SLIT3: variants seen among roughly 807,000 people sequenced by gnomAD.
SLIT3 encodes the protein slit homolog 3 protein.
A neutral mutation model predicts 184.0 loss-of-function variants in SLIT3; 68 were observed. That is an observed-to-expected ratio of 0.37 (90% confidence interval 0.30 to 0.45). SLIT3 has a LOEUF of 0.45. Among genes scored for constraint, SLIT3 ranks in the 20% least tolerant of loss-of-function variants. The pLI is 1.00. For missense variants in SLIT3, 1,707 were observed against 2,026.0 expected (o/e 0.84, Z 3.02); for synonymous variants, 831 against 828.6 (o/e 1.00, Z -0.05).
At chr5:168,800,587 C>G (rs1443453341) in intron 9 of SLIT3, among the ~76,000 whole-genome samples, 1 of 146,432 alleles carries the variant, frequency 6.8e-6, no homozygotes, top group African/African-American at 2.5e-5. Flanking sequence ...AATTCTGTCT[C>G]AAAAAAAAGA....
chr5:168,880,924 G>C (rs1341679096), intron 5 of SLIT3, among the ~76,000 whole-genome samples: 1 of 152,170 alleles, frequency 6.6e-6, no homozygotes, highest in Non-Finnish European at 1.5e-5. Context: ...GTATGTACAT[G>C]ATTCTTGTCC....
rs536813927 is a variant in SLIT3, at chr5:169,166,191, T to C, written c.413+27288A>G. ...CCTCTTCTGGGGTCACTGCCTTTGT[T>C]TTTTAGCCGTCTTTGCCATGGAGAC... On this transcript the variant is annotated intron_variant, in intron 4 of 35. Coordinates refer to ENST00000519560, the MANE Select transcript of SLIT3 (RefSeq NM_003062.4). Among the ~76,000 whole-genome samples, 30 of 152,320 alleles carry C rather than the reference T, an allele frequency of 2.0e-4. No individual in the cohort carries two copies. The East Asian group carries it at 5.2e-3, about 26-fold the overall frequency.
intron 4 of SLIT3, among the ~76,000 whole-genome samples, chr5:169,005,183 C>A (rs1755870628): frequency 6.6e-6 from 1 of 152,110 alleles, no homozygotes; most frequent in African/African-American, 2.4e-5. Flanking sequence ...GTAAGCATAA[C>A]TTTTATATGA....
intron 10 of SLIT3, among the ~76,000 whole-genome samples, chr5:168,793,120 T>G (rs973512503): frequency 6.6e-6 from 1 of 152,216 alleles, no homozygotes; most frequent in Admixed American, 6.5e-5. Context: ...GCATTTTGGA[T>G]AAGGAATACT....
chr5:169,250,410 C>T (rs1029907059), intron 2 of SLIT3, among the ~76,000 whole-genome samples: 4 of 152,180 alleles, frequency 2.6e-5, no homozygotes, highest in Admixed American at 1.3e-4. Flanking sequence ...CTTCTAACAA[C>T]GTATTCCCTA....
chr5:169,007,596 ATG>A (rs1320833290), intron 4 of SLIT3, among the ~76,000 whole-genome samples: 1 of 152,236 alleles, frequency 6.6e-6, no homozygotes, highest in Non-Finnish European at 1.5e-5. Flanking sequence ...TATAGTCTGC[ATG>A]TGTTTGCCTA....
intron 3 of SLIT3, among the ~76,000 whole-genome samples, chr5:169,233,522 G>A (rs1765084693): frequency 6.6e-6 from 1 of 151,942 alleles, no homozygotes. Flanking sequence ...TAGGTGATGG[G>A]TTGATACATG....
intron 12 of SLIT3, among the ~76,000 whole-genome samples, chr5:168,778,317 C>T (rs11750046): frequency 0.13 from 19,502 of 152,232 alleles, 1,459 homozygotes; most frequent in Middle Eastern, 0.2. Flanking sequence ...CAGCAATAAG[C>T]GAAGCTCCAG....
At chr5:168,787,126 T>C (rs1282711301) in intron 11 of SLIT3, among the ~76,000 whole-genome samples, 1 of 152,220 alleles carries the variant, frequency 6.6e-6, no homozygotes, top group African/African-American at 2.4e-5. Context: ...GTTTCATTAA[T>C]GTTTCAACAA....
At chr5:169,074,211 G>A (rs1025144292) in intron 4 of SLIT3, among the ~76,000 whole-genome samples, 1 of 152,046 alleles carries the variant, frequency 6.6e-6, no homozygotes, top group African/African-American at 2.4e-5. Flanking sequence ...ACCCTCACAG[G>A]GCAAGTCTCC....
At chr5:169,180,540 C>T (rs190491871) in intron 4 of SLIT3, among the ~76,000 whole-genome samples, 4 of 152,240 alleles carry the variant, frequency 2.6e-5, no homozygotes, top group East Asian at 1.9e-4. Context: ...TGCTGGTCCA[C>T]GGTGATGGCA....
chr5:169,174,094 G>A (rs531177730), intron 4 of SLIT3, among the ~76,000 whole-genome samples: 158 of 152,280 alleles, frequency 1.0e-3, no homozygotes, highest in African/African-American at 3.7e-3. Context: ...CATCACAAGG[G>A]CACACCTGAA....
intron 6 of SLIT3, among the ~76,000 whole-genome samples, chr5:168,840,417 AC>A (rs1239840360): frequency 6.6e-6 from 1 of 150,490 alleles, no homozygotes; most frequent in Non-Finnish European, 1.5e-5. Flanking sequence ...ACTTGTCCCT[AC>A]TTTTTTTTTT....
intron 20 of SLIT3, among the ~76,000 whole-genome samples, chr5:168,725,080 G>A (rs1359151056): frequency 6.6e-6 from 1 of 152,106 alleles, no homozygotes; most frequent in Non-Finnish European, 1.5e-5. Flanking sequence ...GAAATGGGGG[G>A]CTATCTCTGT....
At chr5:168,902,011 C>T (rs1463757161) in intron 4 of SLIT3, among the ~76,000 whole-genome samples, 1 of 152,204 alleles carries the variant, frequency 6.6e-6, no homozygotes, top group Admixed American at 6.5e-5. Flanking sequence ...AAGTGATTCT[C>T]CTGCCTTATA....
intron 1 of SLIT3, among the ~76,000 whole-genome samples, chr5:169,266,003 C>T (rs980088747): frequency 2.6e-5 from 4 of 152,324 alleles, no homozygotes; most frequent in East Asian, 3.9e-4. Context: ...ATAAAAAATT[C>T]TTCCTAAATT....
intron 4 of SLIT3, among the ~76,000 whole-genome samples, chr5:168,915,081 A>T (rs1761390197): frequency 6.6e-6 from 1 of 152,202 alleles, no homozygotes; most frequent in Non-Finnish European, 1.5e-5. Flanking sequence ...CCAATTCTTT[A>T]TTCTGAAACT....
chr5:168,933,737 G>A (rs563457651), intron 4 of SLIT3, among the ~76,000 whole-genome samples: 6 of 152,294 alleles, frequency 3.9e-5, no homozygotes, highest in Non-Finnish European at 8.8e-5. Flanking sequence ...AGAAAACAAG[G>A]ATAATCTTGG....
chr5:169,001,400 C>G (rs1285583489), intron 4 of SLIT3, among the ~76,000 whole-genome samples: 1 of 152,024 alleles, frequency 6.6e-6, no homozygotes, highest in Non-Finnish European at 1.5e-5. Flanking sequence ...CTTTTGAGTT[C>G]GGCTTGAACA....
Sources: gnomAD v4.1 joint callset for allele counts (sites outside exome capture counted in the v4.1 genomes callset) on GRCh38, gnomAD v4.1.1 for gene constraint, MANE v1.5 for transcripts, NCBI Gene and HGNC (gene_info 2026-07-23, HGNC 2026-07-21) for gene names.